UST: variants seen among roughly 807,000 people sequenced by gnomAD.
UST encodes chondroitin sulfate 2-O-sulfotransferase.
UST carries 21 observed loss-of-function variants against 45.6 expected under a neutral mutation model. The observed-to-expected ratio is 0.46, with a 90% CI of 0.33 to 0.66. The LOEUF is 0.66. Ranked by LOEUF, UST falls within the 30% of genes least tolerant of loss-of-function variation. The pLI is 0.02. For synonymous variants in UST, 215 were observed against 200.6 expected (o/e 1.07, Z -0.61); for missense variants, 463 against 512.4 (o/e 0.90, Z 0.93).
At chr6:149,012,804 T>TAA (rs763495869) in intron 5 of UST, among the ~76,000 whole-genome samples, 21 of 104,124 alleles carry the variant, frequency 2.0e-4, no homozygotes, top group Middle Eastern at 4.3e-3. Context: ...AGTCACTATT[T>TAA]AAAAAAAAAA....
intron 5 of UST, among the ~76,000 whole-genome samples, chr6:148,993,944 A>T (rs1211070838): frequency 1.4e-5 from 2 of 140,628 alleles, no homozygotes; most frequent in South Asian, 2.2e-4. Flanking sequence ...CCCAGTCTTG[A>T]ATATTTCTTT....
intron 5 of UST, among the ~76,000 whole-genome samples, chr6:148,987,389 G>T (rs1429810338): frequency 6.6e-6 from 1 of 152,194 alleles, no homozygotes; most frequent in East Asian, 1.9e-4. Context: ...GATGGACAGG[G>T]CACTGCAGTC....
At chr6:148,781,918 C>T (rs1380287208) in intron 1 of UST, among the ~76,000 whole-genome samples, 2 of 152,152 alleles carry the variant, frequency 1.3e-5, no homozygotes, top group Non-Finnish European at 2.9e-5. Context: ...AAAACAGATT[C>T]CTTTCAAAGG....
At chr6:149,053,532 A>T (rs1582978705) in intron 7 of UST, among the ~76,000 whole-genome samples, 1 of 152,300 alleles carries the variant, frequency 6.6e-6, no homozygotes, top group Non-Finnish European at 1.5e-5. Context: ...TATGACAATT[A>T]TGGATATGAC....
Position 149,010,913 on chromosome 6 carries a change from A to AAAAAAAAAAAAAAAC in UST, c.682-8220_682-8219insAAAAAAAACAAAAAA, listed in dbSNP as rs755674810. ...TCTCAACCAAAAAAAAAAAAAAAAA[A>AAAAAAAAAAAAAAAC]AAAAAACTGTGACTATTTATTTGTC... On this transcript the variant is annotated intron_variant, in intron 5 of 7. Transcript: ENST00000367463. 1.2e-3 allele frequency among the ~76,000 whole-genome samples: 108 copies of AAAAAAAAAAAAAAAC among 92,978 alleles called. 19 individuals are homozygous for AAAAAAAAAAAAAAAC. Among genetic ancestry groups the AAAAAAAAAAAAAAAC allele is most frequent in the African/African-American group, 3.2e-3 (73 of 22,932 alleles). 61.0% of individuals were successfully genotyped at this position (92,978 alleles called of 152,430 possible).
At chr6:148,939,268 G>A (rs546522926) in intron 2 of UST, among the ~76,000 whole-genome samples, 19 of 152,254 alleles carry the variant, frequency 1.2e-4, no homozygotes, top group East Asian at 5.8e-4. Context: ...GGTGGCTGTC[G>A]TAATCAAATT....
chr6:148,795,224 G>C (rs1776924034), intron 1 of UST, among the ~76,000 whole-genome samples: 1 of 152,234 alleles, frequency 6.6e-6, no homozygotes, highest in African/African-American at 2.4e-5. Flanking sequence ...ATGGAGGTGT[G>C]CACTGAATGA....
intron 1 of UST, among the ~76,000 whole-genome samples, chr6:148,822,968 G>A (rs957891692): frequency 6.6e-6 from 1 of 152,140 alleles, no homozygotes; most frequent in African/African-American, 2.4e-5. Flanking sequence ...TTACTTACCT[G>A]GCTCTTAAAT....
At chr6:148,880,899 G>A (rs1356294391) in intron 1 of UST, among the ~76,000 whole-genome samples, 2 of 151,902 alleles carry the variant, frequency 1.3e-5, no homozygotes, top group African/African-American at 2.4e-5. Flanking sequence ...TGTGGTGGTG[G>A]GCGCCTGTAA....
chr6:148,964,532 C>G lies in UST; in HGVS notation c.650C>G (p.Thr217Ser). ...GGGGAACAAAATCACATGATCCGCA[C>G]CCCCAGCATGAGGCAGGAGGAGCGC... ...WRGEQNHMIR[T>S]PSMRQEERYL... is the part of the protein sequence containing the mutation. The change falls in exon 5 of 8, where the codon ACC becomes AGC. Residue 217 changes from threonine (T) to serine (S), a missense_variant. Coordinates refer to ENST00000367463, the MANE Select transcript of UST (RefSeq NM_005715.3). 6.2e-7 allele frequency: 1 copy of G among 1,613,994 alleles called. No individual in the cohort carries two copies. Among genetic ancestry groups the G allele is most frequent in the Non-Finnish European group, 8.5e-7 (1 of 1,180,030 alleles).
At chr6:149,066,796 T>C (rs1166039912) in intron 7 of UST, among the ~76,000 whole-genome samples, 1 of 152,118 alleles carries the variant, frequency 6.6e-6, no homozygotes, top group Non-Finnish European at 1.5e-5. Context: ...TGCATGAAAC[T>C]GAGCATGGTA....
chr6:148,964,283 A>G, intron 4 of UST, 127 bp from the exon 5 acceptor site: 4 of 1,143,442 alleles, frequency 3.5e-6, no homozygotes, highest in Non-Finnish European at 5.0e-6. Flanking sequence ...ATTACGTGTC[A>G]TTGGCACCTT....
chr6:148,749,663 A>C (rs1208197112), intron 1 of UST, among the ~76,000 whole-genome samples: 1 of 152,204 alleles, frequency 6.6e-6, no homozygotes, highest in East Asian at 1.9e-4. Flanking sequence ...CTGAGGATAA[A>C]ATCAAGACAT....
intron 5 of UST, 183 bp downstream of exon 5, chr6:148,964,746 A>T: frequency 1.5e-6 from 1 of 678,124 alleles, no homozygotes; most frequent in East Asian, 2.7e-5. Context: ...GGTGACCCAG[A>T]TCCTAATGAA....
At chr6:148,833,309 G>A (rs775765886) in intron 1 of UST, among the ~76,000 whole-genome samples, 2 of 152,098 alleles carry the variant, frequency 1.3e-5, no homozygotes, top group African/African-American at 4.8e-5. Context: ...GCAACACGGC[G>A]AAATCTGTCT....
chr6:148,929,620 A>C (rs1779884402), intron 2 of UST, among the ~76,000 whole-genome samples: 1 of 152,178 alleles, frequency 6.6e-6, no homozygotes, highest in East Asian at 1.9e-4. Context: ...TTTGTAAGAG[A>C]ATATATTTTC....
At chr6:149,045,034 A>G (rs1181559232) in intron 7 of UST, among the ~76,000 whole-genome samples, 1 of 152,014 alleles carries the variant, frequency 6.6e-6, no homozygotes, top group African/African-American at 2.4e-5. Context: ...GATAAGTACC[A>G]TTTTTTTTAT....
chr6:148,770,287 A>C (rs948099469), intron 1 of UST, among the ~76,000 whole-genome samples: 1 of 151,298 alleles, frequency 6.6e-6, no homozygotes, highest in Non-Finnish European at 1.5e-5. Flanking sequence ...TGAGCTGGGC[A>C]TTGAAGCATA....
At position 149,076,597 on chromosome 6, in the gene UST, A is replaced by G. The variant is rs1376605918; in HGVS notation, c.*2481A>G. On this transcript the variant is annotated 3_prime_UTR_variant, in exon 8 of 8. Transcript: ENST00000367463. ...CAAGGTACTTCAGTTTATTTGGCAA[A>G]CATGACAACATTTTTTTTGGCCCTG... is the stretch of plus-strand genomic sequence containing the variant. 6.9e-6 allele frequency: 1 copy of G among 144,866 alleles called. No individual in the cohort carries two copies. The allele number at this position is 144,866 out of a possible 1,614,324, so 9.0% of individuals were successfully genotyped here. A position where few individuals can be genotyped will look rare whatever the true frequency, so the allele number is the denominator to read the frequency against.
Sources: gnomAD v4.1 joint callset for allele counts (sites outside exome capture counted in the v4.1 genomes callset) on GRCh38, gnomAD v4.1.1 for gene constraint, MANE v1.5 for transcripts, NCBI Gene and HGNC (gene_info 2026-07-23, HGNC 2026-07-21) for gene names.